Variants in DHX37 observed in about 807,000 individuals in gnomAD.
DHX37 encodes the protein probable ATP-dependent RNA helicase DHX37.
Under a neutral mutation model 134.3 loss-of-function variants are expected in DHX37, and 52 were observed. That is an observed-to-expected ratio of 0.39 (90% CI 0.31 to 0.49). DHX37 has a LOEUF of 0.49. DHX37 is among the 20% of genes least tolerant of loss of function. The probability of loss-of-function intolerance (pLI) is 0.93; values close to 1 mark genes in which losing one functional copy is unlikely to be tolerated. For synonymous variants in DHX37, 634 were observed against 670.7 expected (o/e 0.95, Z 0.85); for missense variants, 1,344 against 1,580.8 (o/e 0.85, Z 2.54).
intron 10 of DHX37, among the ~76,000 whole-genome samples, chr12:124,967,937 T>C (rs776303166): frequency 6.6e-5 from 10 of 151,966 alleles, no homozygotes; most frequent in Non-Finnish European, 1.3e-4. Context: ...GGCGTGGCAG[T>C]GTGCGACCAG....
intron 15 of DHX37, among the ~76,000 whole-genome samples, chr12:124,962,273 T>C (rs1954281107): frequency 6.6e-6 from 1 of 152,162 alleles, no homozygotes; most frequent in Non-Finnish European, 1.5e-5. Context: ...GGCGTGGTGG[T>C]TCATGCCTAT....
intron 23 of DHX37, 26 bp from the exon 24 acceptor site, chr12:124,950,269 G>A (rs375871500): frequency 1.4e-5 from 22 of 1,612,726 alleles, no homozygotes; most frequent in Non-Finnish European, 1.9e-5. Flanking sequence ...CAGTGAGACA[G>A]GGACCCTCCT....
In DHX37 at chr12:124,949,174, G is replaced by A. The variant is rs1382391884; in HGVS notation, c.3290+812C>T. On this transcript the variant is annotated intron_variant, in intron 25 of 26. Coordinates refer to ENST00000308736, the MANE Select transcript of DHX37 (RefSeq NM_032656.4). The surrounding 1 kb of genome is among the most constrained non-coding windows in gnomAD (Gnocchi z 4.0). ...GATCGTGTCTGTATCCCAGCCCCGAGAACATGCCTGGGACAGGGCCACACT... is the reference window on the plus strand; with the variant it reads ...GATCGTGTCTGTATCCCAGCCCCGAAAACATGCCTGGGACAGGGCCACACT... 6.6e-6 allele frequency among the ~76,000 whole-genome samples: 1 copy of A among 152,204 alleles called. No homozygotes were observed. The highest frequency in any genetic ancestry group is 1.5e-5 in the Non-Finnish European group (1 of 68,042).
chr12:124,953,553 T>G, intron 20 of DHX37: 1 of 344,460 alleles, frequency 2.9e-6, no homozygotes, highest in South Asian at 2.9e-5. Flanking sequence ...ATGAGAAGGG[T>G]CTGGGGGACA....
At position 124,982,524 on chromosome 12, in the gene DHX37, A is replaced by G. The variant is rs763452510; in HGVS notation, c.376T>C (p.Tyr126His). The G allele has an allele frequency of 6.2e-7, 1 of 1,613,600 alleles. No individual in the cohort carries two copies. Among genetic ancestry groups the G allele is most frequent in the South Asian group, 1.1e-5 (1 of 91,070 alleles). ...TSKLGTGNRMYHTKEKADEVV... is the reference protein window; with the variant it reads ...TSKLGTGNRMHHTKEKADEVV... ...TGGCCAACTCACTCTTTGGTGTGATACATGCGGTTCCCAGTGCCTAGCTTG... is the reference window on the plus strand; with the variant it reads ...TGGCCAACTCACTCTTTGGTGTGATGCATGCGGTTCCCAGTGCCTAGCTTG... The change falls in exon 3 of 27, where the codon TAT (tyrosine) becomes CAT (histidine). Residue 126 changes from tyrosine to histidine, a missense_variant. By Grantham distance (83) the Tyr-to-His change is moderately conservative. Coordinates refer to ENST00000308736, the MANE Select transcript of DHX37 (RefSeq NM_032656.4).
At chr12:124,966,643 C>T in intron 12 of DHX37, 150 bp downstream of exon 12, 1 of 791,672 alleles carries the variant, frequency 1.3e-6, no homozygotes, top group Non-Finnish European at 2.0e-6. Context: ...GAATTACAGG[C>T]ATGAGCCACT....
intron 25 of DHX37, 41 bp from the exon 26 acceptor site, chr12:124,948,222 C>G (rs1281096727): frequency 1.9e-6 from 3 of 1,596,982 alleles, no homozygotes; most frequent in Non-Finnish European, 2.6e-6. Flanking sequence ...GCAGCCAGGG[C>G]ACAGACCGGC....
chr12:124,980,206 C>G lies in DHX37; in HGVS notation c.738+284G>C, dbSNP rs1954728553. Among the ~76,000 whole-genome samples, 1 of 152,252 alleles carries G rather than the reference C, an allele frequency of 6.6e-6. No individual in the cohort carries two copies. Among genetic ancestry groups the G allele is most frequent in the Non-Finnish European group, 1.5e-5 (1 of 68,044 alleles). ...CTTGTCTGGATCGGGGCAGCCCAGG[C>G]CAGGCCCGCTGGTCAGAGGGCAGTG... On this transcript the variant is annotated intron_variant, in intron 4 of 26. Coordinates refer to ENST00000308736, the MANE Select transcript of DHX37 (RefSeq NM_032656.4). The surrounding 1 kb of genome is among the most constrained non-coding windows in gnomAD (Gnocchi z 5.3).
chr12:124,954,078 G>A lies in DHX37; in HGVS notation c.2578+9C>T. 8 of 1,606,812 alleles carry A rather than the reference G, an allele frequency of 5.0e-6. No homozygotes were observed. The highest frequency in any genetic ancestry group is 6.8e-6 in the Non-Finnish European group (8 of 1,175,206). The stretch of plus-strand genomic sequence containing the variant: ...CCTCCCGCCACCCTCCAACGGGCAG[G>A]GCACAAACCCAGCAGCACCATGAGG... On this transcript the variant is annotated intron_variant, in intron 19 of 26. Transcript: ENST00000308736.
At chr12:124,965,097 C>G in intron 13 of DHX37, 91 bp from the exon 14 acceptor site, 1 of 1,398,450 alleles carries the variant, frequency 7.2e-7, no homozygotes, top group Non-Finnish European at 9.8e-7. Flanking sequence ...CCCCAGGCTG[C>G]TCCACCAGAG....
intron 21 of DHX37, among the ~76,000 whole-genome samples, chr12:124,951,525 A>G (rs1399264846): frequency 6.6e-6 from 1 of 152,204 alleles, no homozygotes; most frequent in Non-Finnish European, 1.5e-5. Flanking sequence ...AAAATGTTCT[A>G]AAGTTAACTA....
chr12:124,961,390 C>T (rs1279696646), intron 15 of DHX37, among the ~76,000 whole-genome samples: 1 of 152,194 alleles, frequency 6.6e-6, no homozygotes. Flanking sequence ...GTCAATGACA[C>T]ATTTGATTAG....
rs1954620286 is a variant in DHX37, at chr12:124,975,498, T to C, written c.901A>G (p.Ile301Val). ...ACTCGGCGGGGCTCCGTGACACCGA[T>C]GATGCTGTCTTCACTGGGGGAGGAA... The part of the protein sequence containing the change: ...EAGFSSEDSI[I>V]GVTEPRRVAA... The change falls in exon 6 of 27, where the codon ATC becomes GTC. Residue 301 changes from isoleucine to valine, a missense_variant. This residue lies in a region of DHX37 where 77 missense variants were observed against 121.6 expected (regional missense o/e 0.63). Transcript: ENST00000308736. 6.2e-7 allele frequency: 1 copy of C among 1,612,456 alleles called. No individual in the cohort carries two copies. Among genetic ancestry groups the C allele is most frequent in the Non-Finnish European group, 8.5e-7 (1 of 1,179,984 alleles).
chr12:124,963,678 G>T (rs1437427253), intron 15 of DHX37, among the ~76,000 whole-genome samples: 1 of 149,694 alleles, frequency 6.7e-6, no homozygotes, highest in Admixed American at 6.7e-5. Flanking sequence ...GACCATCCTG[G>T]CTAACACGGT....
rs1306181078 is a variant in DHX37 at position 124,965,779 on chromosome 12, C to T, written c.1624G>A (p.Val542Met). Residue 542 changes from valine to methionine, a missense_variant, in exon 13 of 27, where the codon GTG becomes ATG. Around this residue, in one of 7 missense-constraint regions of DHX37, gnomAD observed 289 missense variants for 323.8 expected, o/e 0.89. Transcript: ENST00000308736. ...LPQINLDHYS[V>M]LPAGEGDEDR... ...TCATCGCCTTCGCCTGCCGGTAACACCGAGTAATGATCCAAGTTGATCTGG... is the reference window on the plus strand; with the variant it reads ...TCATCGCCTTCGCCTGCCGGTAACATCGAGTAATGATCCAAGTTGATCTGG... 3 of 1,613,878 alleles carry T rather than the reference C, an allele frequency of 1.9e-6. No homozygotes were observed. Among genetic ancestry groups the T allele is most frequent in the African/African-American group, 2.7e-5 (2 of 74,936 alleles).
chr12:124,959,724 G>T (rs2135938202), intron 16 of DHX37, among the ~76,000 whole-genome samples: 1 of 152,322 alleles, frequency 6.6e-6, no homozygotes, highest in East Asian at 1.9e-4. Context: ...AAGTTTTTAT[G>T]ATTTTGAACA....
intron 13 of DHX37, 112 bp from the exon 14 acceptor site, chr12:124,965,118 T>G (rs965640450): frequency 8.1e-7 from 1 of 1,237,322 alleles, no homozygotes; most frequent in East Asian, 2.6e-5. Context: ...CTCCTTTCTT[T>G]GCCCTGCTGC....
chr12:124,951,609 G>A (rs1953978969), intron 21 of DHX37, among the ~76,000 whole-genome samples: 1 of 152,204 alleles, frequency 6.6e-6, no homozygotes, highest in African/African-American at 2.4e-5. Context: ...TTTAAATGCA[G>A]GCCAGATGCA....
rs1373696271 is a variant in DHX37 at position 124,956,852 on chromosome 12, C to T, written c.2292G>A (p.Leu764=). The change falls in exon 18 of 27, where the codon CTG becomes CTA. Residue 764 remains leucine (L), a synonymous_variant. Coordinates refer to ENST00000308736, the MANE Select transcript of DHX37 (RefSeq NM_032656.4). ...ERVKQLQENR[L]SCPITALGRT... ...GGCCCAGCGCAGTGATGGGGCAGCT[C>T]AGCCGGTTCTCCTGCAGTTGCTTCA... 1 of 1,600,184 alleles carries T rather than the reference C, an allele frequency of 6.2e-7. No homozygotes were observed. The highest frequency in any genetic ancestry group is 1.3e-5 in the African/African-American group (1 of 74,442).
Sources: gnomAD v4.1 joint callset for allele counts (sites outside exome capture counted in the v4.1 genomes callset) on GRCh38, gnomAD v4.1.1 for gene constraint, gnomAD v4.1.1 regional missense constraint, Gnocchi (gnomAD v3.1) non-coding constraint, MANE v1.5 for transcripts, NCBI Gene and HGNC (gene_info 2026-07-23, HGNC 2026-07-21) for gene names.